Variants in PHF14 observed in about 807,000 individuals in gnomAD.
PHF14 encodes the protein PHD finger protein 14.
Under a neutral mutation model 117.9 loss-of-function variants are expected in PHF14, and 55 were observed. The ratio of observed to expected loss-of-function variants is 0.47; its 90% CI spans 0.38 to 0.58. PHF14 has a LOEUF of 0.58. PHF14 is among the 20% of genes least tolerant of loss of function. The probability of loss-of-function intolerance (pLI) is 0.00; values close to 1 mark genes in which losing one functional copy is unlikely to be tolerated. For missense variants in PHF14, 978 were observed against 1,122.2 expected (o/e 0.87, Z 1.84); for synonymous variants, 409 against 368.6 (o/e 1.11, Z -1.26).
Position 11,006,822 on chromosome 7 carries a change from CT to C in PHF14, c.1046-6923del, listed in dbSNP as rs1783121760. Reference sequence around the variant, plus strand: ...TTGGCCTTGAAAGCCTTCGGTTTGGCTTCAGCTTTAGGAGGGACAGGAGCTT... The same window carrying C: ...TTGGCCTTGAAAGCCTTCGGTTTGGCTCAGCTTTAGGAGGGACAGGAGCTT... On this transcript the variant is annotated intron_variant, in intron 4 of 17. Transcript: ENST00000634607. 1.9e-5 allele frequency: 15 copies of C among 777,432 alleles called. No homozygotes were observed. In the South Asian group the frequency reaches 2.0e-4, roughly 10 times the overall value. The allele number at this position is 777,432 out of a possible 1,614,324, so 48.2% of individuals were successfully genotyped here.
At chr7:11,142,052 T>A (rs964555915) in intron 17 of PHF14, among the ~76,000 whole-genome samples, 10 of 152,178 alleles carry the variant, frequency 6.6e-5, no homozygotes, top group African/African-American at 1.2e-4. Context: ...TGGGGTTTTT[T>A]AAATTTCTTA....
At chr7:11,043,255 A>T (rs1784555762) in intron 13 of PHF14, among the ~76,000 whole-genome samples, 1 of 151,770 alleles carries the variant, frequency 6.6e-6, no homozygotes, top group African/African-American at 2.4e-5. Context: ...CCATTCTTTG[A>T]CATCTAGAAA....
intron 5 of PHF14, among the ~76,000 whole-genome samples, chr7:11,018,148 G>GAAATTAGAAACAACTGCAA: frequency 6.6e-6 from 1 of 152,132 alleles, no homozygotes; most frequent in Non-Finnish European, 1.5e-5. Context: ...GTACCATGCT[G>GAAATTAGAAACAACTGCAA]TTTTGGCTAC....
At chr7:11,072,039 G>T (rs1785629421) in intron 16 of PHF14, among the ~76,000 whole-genome samples, 1 of 152,152 alleles carries the variant, frequency 6.6e-6, no homozygotes, top group Non-Finnish European at 1.5e-5. Context: ...AGTTGTATTA[G>T]TCCATTCTTG....
intron 2 of PHF14, among the ~76,000 whole-genome samples, chr7:10,978,822 T>G (rs1703895361): frequency 6.6e-6 from 1 of 152,130 alleles, no homozygotes; most frequent in African/African-American, 2.4e-5. Flanking sequence ...AAAAAAATGT[T>G]CCCGTTTGAG....
chr7:11,124,284 CAGTT>C (rs1464328233), intron 17 of PHF14, among the ~76,000 whole-genome samples: 3 of 151,988 alleles, frequency 2.0e-5, no homozygotes, highest in Non-Finnish European at 4.4e-5. Flanking sequence ...AAAAAAATTA[CAGTT>C]AGATCATACT....
chr7:11,129,960 G>T (rs1274841752), intron 17 of PHF14, among the ~76,000 whole-genome samples: 1 of 151,946 alleles, frequency 6.6e-6, no homozygotes, highest in Non-Finnish European at 1.5e-5. Context: ...AGGCTAGTAG[G>T]ATTTGACAGA....
At chr7:11,150,131 G>T (rs1218237834) in intron 17 of PHF14, among the ~76,000 whole-genome samples, 1 of 152,074 alleles carries the variant, frequency 6.6e-6, no homozygotes, top group Non-Finnish European at 1.5e-5. Context: ...ATAACAATAT[G>T]CCAGGGAGTG....
chr7:10,995,961 G>T (rs1362416286), intron 4 of PHF14, among the ~76,000 whole-genome samples: 1 of 152,262 alleles, frequency 6.6e-6, no homozygotes, highest in Non-Finnish European at 1.5e-5. Context: ...GGCCAGCCCA[G>T]AGAGGGGCTC....
chr7:11,007,241 T>C (rs377335699), intron 4 of PHF14, among the ~76,000 whole-genome samples: 3 of 152,264 alleles, frequency 2.0e-5, no homozygotes, highest in East Asian at 3.9e-4. Flanking sequence ...AGGTTCTCTT[T>C]TTTTCTCATT....
At chr7:11,089,153 A>G (rs762586287) in intron 16 of PHF14, among the ~76,000 whole-genome samples, 2 of 152,112 alleles carry the variant, frequency 1.3e-5, no homozygotes, top group Non-Finnish European at 2.9e-5. Context: ...ACCTAAGACA[A>G]ACCTTTTATC....
rs1183486499 is a variant in PHF14, at chr7:11,111,779, T to C, written c.2772+312T>C. ...TCTGCTAACTTAACACACTTGAGAA[T>C]GGCAGGAAAATTCCACCCTGAGTCA... On this transcript the variant is annotated intron_variant, in intron 17 of 17. Transcript: ENST00000634607. Among the ~76,000 whole-genome samples, 3 of 152,154 alleles carry C rather than the reference T, an allele frequency of 2.0e-5. No individual in the cohort carries two copies. In the East Asian group the frequency reaches 5.8e-4, roughly 29 times the overall value.
chr7:11,006,460 T>C (rs1195492963), intron 4 of PHF14: 4 of 537,708 alleles, frequency 7.4e-6, no homozygotes, highest in Non-Finnish European at 1.5e-5. Flanking sequence ...CAGTCGAACA[T>C]ATGCCTTCTT....
intron 5 of PHF14, among the ~76,000 whole-genome samples, chr7:11,021,513 G>A (rs1783734906): frequency 6.6e-6 from 1 of 152,118 alleles, no homozygotes; most frequent in Non-Finnish European, 1.5e-5. Context: ...CAGTCACATT[G>A]AAATGGCAGT....
intron 16 of PHF14, among the ~76,000 whole-genome samples, chr7:11,079,994 A>G (rs958543965): frequency 6.6e-6 from 1 of 152,140 alleles, no homozygotes; most frequent in Admixed American, 6.5e-5. Context: ...CAAGGAAACA[A>G]AATATGAATA....
chr7:11,048,919 T>A (rs182329152), intron 13 of PHF14, among the ~76,000 whole-genome samples: 122 of 152,320 alleles, frequency 8.0e-4, no homozygotes, highest in Non-Finnish European at 1.4e-3. Context: ...GTTCAGGGTG[T>A]AACATTTCTA....
intron 17 of PHF14, among the ~76,000 whole-genome samples, chr7:11,167,679 A>G (rs1460441080): frequency 1.3e-5 from 2 of 152,208 alleles, no homozygotes; most frequent in African/African-American, 4.8e-5. Context: ...GTCTCTCCTG[A>G]AGAAGACAGG....
intron 17 of PHF14, among the ~76,000 whole-genome samples, chr7:11,140,744 A>G (rs1194895379): frequency 6.6e-6 from 1 of 152,168 alleles, no homozygotes; most frequent in Non-Finnish European, 1.5e-5. Context: ...TGAAATTTCT[A>G]TACTATTTAT....
At position 11,053,935 on chromosome 7, in the gene PHF14, C is replaced by G. The variant is rs1260891481; in HGVS notation, c.2481+2155C>G. Among the ~76,000 whole-genome samples, 6 of 151,642 alleles carry G rather than the reference C, an allele frequency of 4.0e-5. No individual in the cohort carries two copies. The East Asian group carries it at 1.2e-3, about 29-fold the overall frequency. Reference sequence around the variant, plus strand: ...CTTACAGATTTTGGTCAGTGAAACACCAGGGAAAGAGTCCATGACCAGTAA... The same window carrying G: ...CTTACAGATTTTGGTCAGTGAAACAGCAGGGAAAGAGTCCATGACCAGTAA... On this transcript the variant is annotated intron_variant, in intron 14 of 17. Transcript: ENST00000634607.
Sources: gnomAD v4.1 joint callset for allele counts (sites outside exome capture counted in the v4.1 genomes callset) on GRCh38, gnomAD v4.1.1 for gene constraint, MANE v1.5 for transcripts, NCBI Gene and HGNC (gene_info 2026-07-23, HGNC 2026-07-21) for gene names.